The following IGFN1 variants were observed in gnomAD, a reference collection of about 807,000 sequenced individuals.
The protein encoded by IGFN1 is immunoglobulin-like and fibronectin type III domain-containing protein 1.
A neutral mutation model predicts 289.5 loss-of-function variants in IGFN1; 253 were observed. The observed-to-expected ratio is 0.87, with a 90% confidence interval of 0.79 to 0.97. The LOEUF (loss-of-function observed/expected upper bound fraction) is 0.97. Ranked by LOEUF, IGFN1 falls within the 50% of genes least tolerant of loss-of-function variation. The pLI is 0.00. For missense variants in IGFN1, 4,470 were observed against 4,686.1 expected, an observed-to-expected ratio of 0.95 and a Z score of 1.35; for synonymous variants, 1,706 against 1,788.5, an observed-to-expected ratio of 0.95 and a Z score of 1.16.
chr1:201,213,918 C>T (rs766836513), intron 12 of IGFN1, among the ~76,000 whole-genome samples: 3 of 152,222 alleles, frequency 2.0e-5, no homozygotes, highest in Non-Finnish European at 4.4e-5. Context: ...AGACTTCTCA[C>T]CTGTGGCGGG....
intron 12 of IGFN1, among the ~76,000 whole-genome samples, chr1:201,213,933 C>G (rs886400717): frequency 6.6e-6 from 1 of 152,118 alleles, no homozygotes. Context: ...GGCGGGGGGG[C>G]CCTTCATATA....
At chr1:201,216,104 G>T in intron 15 of IGFN1, 1 of 680,162 alleles carries the variant, frequency 1.5e-6, no homozygotes, top group South Asian at 1.6e-5. Context: ...GGAAGTTGCT[G>T]GGTAGGATGG....
chr1:201,192,309 T>C (rs1666693903), intron 1 of IGFN1, among the ~76,000 whole-genome samples: 1 of 152,122 alleles, frequency 6.6e-6, no homozygotes, highest in African/African-American at 2.4e-5. Flanking sequence ...GGGCAGAAAA[T>C]GGAGTCCCCA....
At chr1:201,216,110 G>C (rs899791422) in intron 15 of IGFN1, 1 of 675,186 alleles carries the variant, frequency 1.5e-6, no homozygotes, top group Non-Finnish European at 2.7e-6. Context: ...TGCTGGGTAG[G>C]ATGGTGGTCC....
chr1:201,199,458 A>G, intron 6 of IGFN1, 80 bp downstream of exon 6: 1 of 1,457,074 alleles, frequency 6.9e-7, no homozygotes, highest in South Asian at 1.2e-5. Context: ...TGCCTGGTTG[A>G]GCTACCATGA....
At chr1:201,221,955 C>CA (rs1393770301) in intron 19 of IGFN1, among the ~76,000 whole-genome samples, 1 of 152,238 alleles carries the variant, frequency 6.6e-6, no homozygotes. Flanking sequence ...AACTATACTA[C>CA]AATATTAATG....
intron 18 of IGFN1, among the ~76,000 whole-genome samples, chr1:201,218,882 G>A (rs1272795302): frequency 6.6e-6 from 1 of 152,052 alleles, no homozygotes; most frequent in Admixed American, 6.6e-5. Context: ...GGGATTAGAG[G>A]ATTCCTTCCC....
chr1:201,208,974 A>T lies in IGFN1; in HGVS notation c.4081A>T (p.Ser1361Cys). 6.5e-7 allele frequency: 1 copy of T among 1,536,358 alleles called. No homozygotes were observed. The highest frequency in any genetic ancestry group is 8.7e-7 in the Non-Finnish European group (1 of 1,146,718). The part of the protein sequence containing the change: ...EAGSGSKADY[S>C]GGLKGSREIG... Reference sequence around the variant, plus strand: ...GGGTTCAGGGAGCAAGGCAGATTATAGCGGTGGTTTAAAGGGTTCCAGGGA... The same window carrying T: ...GGGTTCAGGGAGCAAGGCAGATTATTGCGGTGGTTTAAAGGGTTCCAGGGA... Residue 1361 changes from serine (S) to cysteine (C), a missense_variant, in exon 12 of 24, where the codon AGC becomes TGC. This residue lies in a region of IGFN1 where 2,011 missense variants were observed against 1,953.4 expected (regional missense o/e 1.03). Transcript: ENST00000335211.
intron 1 of IGFN1, among the ~76,000 whole-genome samples, chr1:201,191,284 G>A (rs1303968728): frequency 6.6e-6 from 1 of 152,210 alleles, no homozygotes; most frequent in East Asian, 1.9e-4. Flanking sequence ...AAGCAGTTGA[G>A]AGAACTCCAT....
In IGFN1 at chr1:201,211,627, T is replaced by C; in HGVS notation, c.6734T>C (p.Met2245Thr). ...GGGAGTTCTGGGGAAATGGGGTCAATGGATGAGGCAGATTATAGGAAGGAT... is the reference window on the plus strand; with the variant it reads ...GGGAGTTCTGGGGAAATGGGGTCAACGGATGAGGCAGATTATAGGAAGGAT... ...GLGSSGEMGS[M>T]DEADYRKDLG... Residue 2245 changes from methionine (M) to threonine (T), a missense_variant, in exon 12 of 24, where the codon ATG becomes ACG. By Grantham distance (81) the Met-to-Thr change is moderately conservative. Around this residue, in one of 8 missense-constraint regions of IGFN1, gnomAD observed 2,218 missense variants for 2,114.1 expected, o/e 1.05. Transcript: ENST00000335211. 2.0e-6 allele frequency: 3 copies of C among 1,536,528 alleles called. No homozygotes were observed. Among genetic ancestry groups the C allele is most frequent in the Admixed American group, 2.0e-5 (1 of 50,930 alleles).
chr1:201,209,281 A>C lies in IGFN1; in HGVS notation c.4388A>C (p.Asn1463Thr), dbSNP rs1459591062. 1 of 1,484,222 alleles carries C rather than the reference A, an allele frequency of 6.7e-7. No homozygotes were observed. Among genetic ancestry groups the C allele is most frequent in the Non-Finnish European group, 8.9e-7 (1 of 1,128,436 alleles). 91.9% of individuals were successfully genotyped at this position (1,484,222 alleles called of 1,614,324 possible). A position where few individuals can be genotyped will look rare whatever the true frequency, so the allele number is the denominator to read the frequency against. Residue 1463 changes from asparagine (N) to threonine (T), a missense_variant, in exon 12 of 24, where the codon AAT becomes ACT. Coordinates refer to ENST00000335211, the MANE Select transcript of IGFN1 (RefSeq NM_001164586.2). ...ATGGATGAGGCAGGTTATAGGAAAA[A>C]TTTGGGAGCTCCTGAGAGAATGGAT... ...RSMDEAGYRK[N>T]LGAPERMDSG...
chr1:201,199,779 G>C, intron 7 of IGFN1, 125 bp downstream of exon 7: 1 of 752,726 alleles, frequency 1.3e-6, no homozygotes, highest in Non-Finnish European at 2.2e-6. Flanking sequence ...TAGACTGCCA[G>C]TAGCAGATGG....
chr1:201,204,860 A>G (rs902428652), intron 10 of IGFN1, among the ~76,000 whole-genome samples: 3 of 152,204 alleles, frequency 2.0e-5, no homozygotes, highest in Non-Finnish European at 2.9e-5. Context: ...GAAGTATAGA[A>G]TCCCAGAGCT....
Position 201,208,218 on chromosome 1 carries a change from C to G in IGFN1, c.3325C>G (p.Pro1109Ala). 6.5e-7 allele frequency: 1 copy of G among 1,536,712 alleles called. No homozygotes were observed. The highest frequency in any genetic ancestry group is 1.2e-5 in the South Asian group (1 of 84,044). The change falls in exon 12 of 24, where the codon CCA becomes GCA. Residue 1109 changes from proline (P) to alanine (A), a missense_variant. Pro to Ala is a conservative substitution (Grantham distance 27). Transcript: ENST00000335211. ...TGGGATGGGATGTGTGGAAGCAGAA[C>G]CAGAGAGCTCTGGAAGAATAAGGCC... Reference protein sequence around the residue: ...TVGMGCVEAEPESSGRIRPWG... With the variant: ...TVGMGCVEAEAESSGRIRPWG...
rs1436985773 is a variant in IGFN1, at chr1:201,213,187, G to A, written c.8294G>A (p.Gly2765Asp). 2 of 1,551,684 alleles carry A rather than the reference G, an allele frequency of 1.3e-6. No individual in the cohort carries two copies. Among genetic ancestry groups the A allele is most frequent in the Admixed American group, 2.0e-5 (1 of 51,004 alleles). The change falls in exon 12 of 24, where the codon GGC (glycine) becomes GAC (aspartate). Residue 2765 changes from glycine to aspartate, a missense_variant. By Grantham distance (94) the Gly-to-Asp change is moderately conservative. Coordinates refer to ENST00000335211, the MANE Select transcript of IGFN1 (RefSeq NM_001164586.2). ...ACCCAGGACCTGAGCTCTCAGCGAGGCAAGGGACAGAGAGGAGGAAAGAGG... is the reference window on the plus strand; with the variant it reads ...ACCCAGGACCTGAGCTCTCAGCGAGACAAGGGACAGAGAGGAGGAAAGAGG... The part of the protein sequence containing the change: ...GGTQDLSSQR[G>D]KGQRGGKRSL...
chr1:201,219,737 T>A (rs1293067597), intron 18 of IGFN1, among the ~76,000 whole-genome samples: 1 of 152,218 alleles, frequency 6.6e-6, no homozygotes, highest in East Asian at 1.9e-4. Context: ...GTTCAGGCTG[T>A]TTGAATGAAC....
At position 201,211,122 on chromosome 1, in the gene IGFN1, C is replaced by T. The variant is rs758430768; in HGVS notation, c.6229C>T (p.Pro2077Ser). Residue 2077 changes from proline to serine, a missense_variant, in exon 12 of 24, where the codon CCT (proline) becomes TCT (serine). Around this residue, in one of 8 missense-constraint regions of IGFN1, gnomAD observed 2,218 missense variants for 2,114.1 expected, o/e 1.05. Transcript: ENST00000335211. ...EAGYRKDLGA[P>S]KGMGSGSKTG... ...AGGTTATAGGAAGGATTTAGGGGCT[C>T]CTAAGGGAATGGGTTCAGGGAGTAA... The T allele has an allele frequency of 3.3e-6, 5 of 1,524,196 alleles. No homozygotes were observed. The highest frequency in any genetic ancestry group is 3.5e-6 in the Non-Finnish European group (4 of 1,140,466). 94.4% of individuals were successfully genotyped at this position (1,524,196 alleles called of 1,614,324 possible). A position where few individuals can be genotyped will look rare whatever the true frequency, so the allele number is the denominator to read the frequency against.
rs1344304611 is a variant in IGFN1, at chr1:201,197,329, C to T, written c.367+12C>T. 4 of 1,523,482 alleles carry T rather than the reference C, an allele frequency of 2.6e-6. No individual in the cohort carries two copies. In the African/African-American group the frequency reaches 5.5e-5, roughly 21 times the overall value. The allele number at this position is 1,523,482 out of a possible 1,614,324, so 94.4% of individuals were successfully genotyped here. A position where few individuals can be genotyped will look rare whatever the true frequency, so the allele number is the denominator to read the frequency against. On this transcript the variant is annotated intron_variant, in intron 5 of 23. Coordinates refer to ENST00000335211, the MANE Select transcript of IGFN1 (RefSeq NM_001164586.2). ...CACTGTCATCGAAGGTGGGCTTTTC[C>T]CTGAGTTTGTCTCATCAGTGCACAG... is the stretch of plus-strand genomic sequence containing the variant.
At chr1:201,214,332 C>A (rs997962843) in intron 13 of IGFN1, 31 bp downstream of exon 13, 2 of 1,581,676 alleles carry the variant, frequency 1.3e-6, no homozygotes, top group South Asian at 1.1e-5. Flanking sequence ...TTCTCTTTAC[C>A]AGTGGGAGGG....
Sources: gnomAD v4.1 joint callset for allele counts (sites outside exome capture counted in the v4.1 genomes callset) on GRCh38, gnomAD v4.1.1 for gene constraint, gnomAD v4.1.1 regional missense constraint, MANE v1.5 for transcripts, NCBI Gene and HGNC (gene_info 2026-07-23, HGNC 2026-07-21) for gene names.